ADCK2: variants seen among roughly 807,000 people sequenced by gnomAD.
The protein encoded by ADCK2 is uncharacterized aarF domain-containing protein kinase 2.
Under a neutral mutation model 52.3 loss-of-function variants are expected in ADCK2, and 37 were observed. That is an observed-to-expected ratio of 0.71 (90% CI 0.54 to 0.93). ADCK2 has a LOEUF of 0.93. Ranked by LOEUF, ADCK2 falls within the 40% of genes least tolerant of loss-of-function variation. ADCK2 has a pLI of 0.00. For synonymous variants in ADCK2, 321 were observed against 349.2 expected (o/e 0.92, Z 0.90); for missense variants, 695 against 798.7 (o/e 0.87, Z 1.56).
intron 2 of ADCK2, among the ~76,000 whole-genome samples, chr7:140,676,458 C>T (rs1794421016): frequency 6.6e-6 from 1 of 152,224 alleles, no homozygotes; most frequent in Non-Finnish European, 1.5e-5. Context: ...CAACAACCAT[C>T]TCTGCATTAA....
intron 4 of ADCK2, among the ~76,000 whole-genome samples, chr7:140,686,392 T>C (rs1794605268): frequency 6.6e-6 from 1 of 152,242 alleles, no homozygotes; most frequent in African/African-American, 2.4e-5. Context: ...GCCATTCTCC[T>C]GCCTCAGCCT....
Position 140,687,112 on chromosome 7 carries a change from G to T in ADCK2, c.1428G>T (p.Leu476=). ...QLQQADICDT[L]VVAVPSSLCP... ...AGCAGGCGGACATCTGTGACACTCT[G>T]GTGGTGGCCGTGCCATCTTCCCTCT... is the stretch of plus-strand genomic sequence containing the variant. Residue 476 remains leucine (L), a synonymous_variant, in exon 5 of 8, where the codon CTG becomes CTT. Coordinates refer to ENST00000072869, the MANE Select transcript of ADCK2 (RefSeq NM_052853.4). 1.2e-6 allele frequency: 2 copies of T among 1,613,908 alleles called. No homozygotes were observed. The highest frequency in any genetic ancestry group is 1.1e-5 in the South Asian group (1 of 91,066).
intron 2 of ADCK2, among the ~76,000 whole-genome samples, chr7:140,676,673 G>T (rs1585842704): frequency 6.6e-6 from 1 of 152,206 alleles, no homozygotes; most frequent in Non-Finnish European, 1.5e-5. Context: ...GTGGGTCTGG[G>T]TATAGTGTGT....
intron 2 of ADCK2, among the ~76,000 whole-genome samples, chr7:140,677,115 AAGAC>A (rs1794432328): frequency 6.6e-6 from 1 of 152,160 alleles, no homozygotes; most frequent in African/African-American, 2.4e-5. Flanking sequence ...ATCCCTAAGA[AAGAC>A]AGTCAGGGCC....
intron 5 of ADCK2, among the ~76,000 whole-genome samples, chr7:140,687,680 C>T (rs539772761): frequency 4.0e-5 from 6 of 151,454 alleles, no homozygotes; most frequent in Admixed American, 4.0e-4. Flanking sequence ...TGCCACTTCA[C>T]TCCAGCCTGG....
At position 140,679,278 on chromosome 7, in the gene ADCK2, T is replaced by C. The variant is rs1348156091; in HGVS notation, c.1204T>C (p.Tyr402His). ...CACCAGAGAAGTCTTGGTGGAAACG[T>C]ATGAAGTAAGAGTGATGGCTTTGCC... ...FVTREVLVET[Y>H]EESVPVSSYQ... Residue 402 changes from tyrosine (Y) to histidine (H), a missense_variant, in exon 3 of 8, where the codon TAT becomes CAT. Transcript: ENST00000072869. 3.1e-6 allele frequency: 5 copies of C among 1,613,554 alleles called. No homozygotes were observed. The Admixed American group carries it at 8.3e-5, about 27-fold the overall frequency.
intron 2 of ADCK2, among the ~76,000 whole-genome samples, chr7:140,675,304 C>T (rs1025623620): frequency 6.6e-6 from 1 of 152,080 alleles, no homozygotes; most frequent in African/African-American, 2.4e-5. Flanking sequence ...AAAGGGAGCT[C>T]TTTATTTTAT....
rs1264046666 is a variant in ADCK2 at position 140,673,523 on chromosome 7, C to G, written c.193C>G (p.Leu65Val). The G allele has an allele frequency of 6.2e-7, 1 of 1,600,858 alleles. No individual in the cohort carries two copies. Residue 65 changes from leucine to valine, a missense_variant, in exon 1 of 8, where the codon CTG becomes GTG. Coordinates refer to ENST00000072869, the MANE Select transcript of ADCK2 (RefSeq NM_052853.4). This position sits in a 1 kb window ranked among gnomAD's most constrained non-coding sequence, Gnocchi z 6.4. ...GDVGEGAPDVLSRRRVRCSGA... is the reference protein window; with the variant it reads ...GDVGEGAPDVVSRRRVRCSGA... ...CGTGGGTGAGGGGGCCCCTGACGTT[C>G]TGAGTCGGCGAAGGGTCCGCTGCAG...
intron 5 of ADCK2, 128 bp downstream of exon 5, chr7:140,687,369 C>T: frequency 1.5e-6 from 2 of 1,325,676 alleles, no homozygotes; most frequent in East Asian, 2.5e-5. Context: ...TGCTTGAGCC[C>T]AGGAGTTCAA....
intron 3 of ADCK2, 146 bp downstream of exon 3, chr7:140,679,429 C>CG: frequency 8.1e-7 from 1 of 1,227,986 alleles, no homozygotes. Context: ...TTGGCCTCGG[C>CG]GGGAGGCAGT....
rs1801655820 is a variant in ADCK2, at chr7:140,673,032, C to A, written c.-299C>A. On this transcript the variant is annotated 5_prime_UTR_variant, in exon 1 of 8. Transcript: ENST00000072869. This position sits in a 1 kb window ranked among gnomAD's most constrained non-coding sequence, Gnocchi z 6.4. ...TGCCTCCGCCCGCGCGGCCCCCTCG[C>A]TCAGGTCGCGGGCGCCCGGGGCCTG... The A allele has an allele frequency of 5.5e-6, 1 of 180,584 alleles. No individual in the cohort carries two copies. 11.2% of individuals were successfully genotyped at this position (180,584 alleles called of 1,614,324 possible). A position where few individuals can be genotyped will look rare whatever the true frequency, so the allele number is the denominator to read the frequency against.
chr7:140,681,104 T>G lies in ADCK2; in HGVS notation c.1272T>G (p.Ile424Met), dbSNP rs1346560614. 1 of 1,614,052 alleles carries G rather than the reference T, an allele frequency of 6.2e-7. No homozygotes were observed. Among genetic ancestry groups the G allele is most frequent in the Non-Finnish European group, 8.5e-7 (1 of 1,180,006 alleles). Reference sequence around the variant, plus strand: ...TTCCCGTGGACTTGAAAAGGAAGATTGCACGGCTGGGGATCAACATGCTCC... The same window carrying G: ...TTCCCGTGGACTTGAAAAGGAAGATGGCACGGCTGGGGATCAACATGCTCC... ...AGIPVDLKRKIARLGINMLLK... is the reference protein window; with the variant it reads ...AGIPVDLKRKMARLGINMLLK... Residue 424 changes from isoleucine (I) to methionine (M), a missense_variant, in exon 4 of 8, where the codon ATT becomes ATG. Transcript: ENST00000072869.
Position 140,672,964 on chromosome 7 carries a change from A to C in ADCK2, c.-367A>C, listed in dbSNP as rs1436115767. Among the ~76,000 whole-genome samples the C allele has an allele frequency of 6.7e-6, 1 of 150,030 alleles. No homozygotes were observed. Among genetic ancestry groups the C allele is most frequent in the East Asian group, 2.0e-4 (1 of 5,058 alleles). On this transcript the variant is annotated 5_prime_UTR_variant, in exon 1 of 8. Coordinates refer to ENST00000072869, the MANE Select transcript of ADCK2 (RefSeq NM_052853.4). ...GTGCCCGCCACCCCAGCGATCTCATACTGGCCCCTGGGCGCACGGTGACCC... is the reference window on the plus strand; with the variant it reads ...GTGCCCGCCACCCCAGCGATCTCATCCTGGCCCCTGGGCGCACGGTGACCC...
chr7:140,691,892 G>A (rs1234409969), intron 7 of ADCK2, among the ~76,000 whole-genome samples: 1 of 152,214 alleles, frequency 6.6e-6, no homozygotes, highest in African/African-American at 2.4e-5. Context: ...CTCACTCTGA[G>A]CATCTGCTCC....
chr7:140,673,594 A>G lies in ADCK2; in HGVS notation c.264A>G (p.Gly88=). The part of the protein sequence containing the change: ...AGPAESLPRA[G]PLGGVFLHLR... ...CCGCGGAGAGCCTCCCCCGAGCGGGACCTCTGGGCGGCGTCTTCCTGCATC... is the reference window on the plus strand; with the variant it reads ...CCGCGGAGAGCCTCCCCCGAGCGGGGCCTCTGGGCGGCGTCTTCCTGCATC... The change falls in exon 1 of 8, where the codon GGA becomes GGG. Residue 88 remains glycine, a synonymous_variant. Transcript: ENST00000072869. This position sits in a 1 kb window ranked among gnomAD's most constrained non-coding sequence, Gnocchi z 6.4. 2 of 1,605,940 alleles carry G rather than the reference A, an allele frequency of 1.2e-6. No homozygotes were observed. Among genetic ancestry groups the G allele is most frequent in the Non-Finnish European group, 1.7e-6 (2 of 1,179,378 alleles).
At chr7:140,675,095 T>G (rs1794376390) in intron 2 of ADCK2, among the ~76,000 whole-genome samples, 1 of 151,900 alleles carries the variant, frequency 6.6e-6, no homozygotes, top group Non-Finnish European at 1.5e-5. Flanking sequence ...ATACAAAAAT[T>G]AGCTGGGCGT....
intron 2 of ADCK2, among the ~76,000 whole-genome samples, chr7:140,675,103 C>T (rs895091191): frequency 3.3e-5 from 5 of 151,884 alleles, no homozygotes; most frequent in African/African-American, 7.3e-5. Context: ...ATTAGCTGGG[C>T]GTGGTGCTGC....
Position 140,673,966 on chromosome 7 carries a change from C to A in ADCK2, c.636C>A (p.Ala212=). ...NREPVGSGCV[A]QVYKAYANTA... ...AACCTGTGGGCTCAGGCTGCGTGGC[C>A]CAGGTGTACAAAGCATACGCCAACA... The change falls in exon 1 of 8, where the codon GCC becomes GCA. Residue 212 remains alanine, a synonymous_variant. Transcript: ENST00000072869. The surrounding 1 kb of genome is among the most constrained non-coding windows in gnomAD (Gnocchi z 6.4). The A allele has an allele frequency of 1.2e-6, 2 of 1,614,032 alleles. No individual in the cohort carries two copies. Among genetic ancestry groups the A allele is most frequent in the Non-Finnish European group, 1.7e-6 (2 of 1,180,032 alleles).
intron 4 of ADCK2, among the ~76,000 whole-genome samples, chr7:140,681,964 A>T (rs772860564): frequency 6.6e-6 from 1 of 152,146 alleles, no homozygotes; most frequent in Non-Finnish European, 1.5e-5. Context: ...GTGCTGTGAG[A>T]AGAAGGGTGA....
Sources: gnomAD v4.1 joint callset for allele counts (sites outside exome capture counted in the v4.1 genomes callset) on GRCh38, gnomAD v4.1.1 for gene constraint, Gnocchi (gnomAD v3.1) non-coding constraint, MANE v1.5 for transcripts, NCBI Gene and HGNC (gene_info 2026-07-23, HGNC 2026-07-21) for gene names.